Variants in PTPRD observed in about 807,000 individuals in gnomAD.
PTPRD encodes receptor-type tyrosine-protein phosphatase delta.
Under a neutral mutation model 214.5 loss-of-function variants are expected in PTPRD, and 34 were observed. The observed-to-expected ratio is 0.16, with a 90% CI of 0.12 to 0.21. The LOEUF is 0.21. Ranked by LOEUF, PTPRD falls within the 10% of genes least tolerant of loss-of-function variation. The probability of loss-of-function intolerance (pLI) is 1.00; values close to 1 mark genes in which losing one functional copy is unlikely to be tolerated. For missense variants in PTPRD, 2,545 were observed against 2,398.7 expected (o/e 1.06, Z -1.27); for synonymous variants, 1,128 against 845.7 (o/e 1.33, Z -5.79).
chr9:8,414,970 A>G (rs1030293533), intron 35 of PTPRD, among the ~76,000 whole-genome samples: 60 of 146,744 alleles, frequency 4.1e-4, no homozygotes, highest in African/African-American at 1.4e-3. Context: ...AGAGAGAGAG[A>G]GAGACAGACA....
intron 4 of PTPRD, among the ~76,000 whole-genome samples, chr9:9,998,260 G>A (rs926721122): frequency 2.6e-5 from 4 of 151,204 alleles, no homozygotes; most frequent in African/African-American, 4.9e-5. Context: ...AGGTCACTGG[G>A]TGGAGTCTCA....
chr9:9,701,260 T>C (rs1456717122), intron 7 of PTPRD, among the ~76,000 whole-genome samples: 1 of 152,138 alleles, frequency 6.6e-6, no homozygotes, highest in Non-Finnish European at 1.5e-5. Context: ...GTTTTAAACA[T>C]GATGGTAGTT....
intron 7 of PTPRD, among the ~76,000 whole-genome samples, chr9:9,662,245 A>G (rs1204376729): frequency 6.6e-6 from 1 of 151,664 alleles, no homozygotes; most frequent in Non-Finnish European, 1.5e-5. Flanking sequence ...GTATCATAAC[A>G]AAACCATTAC....
At chr9:10,031,002 C>T (rs545921071) in intron 4 of PTPRD, among the ~76,000 whole-genome samples, 1 of 152,108 alleles carries the variant, frequency 6.6e-6, no homozygotes, top group East Asian at 1.9e-4. Flanking sequence ...TCAGAAAAAA[C>T]CCAATGCAAA....
intron 2 of PTPRD, among the ~76,000 whole-genome samples, chr9:10,545,318 A>T (rs987533230): frequency 5.3e-5 from 8 of 152,162 alleles, no homozygotes; most frequent in Admixed American, 1.3e-4. Flanking sequence ...CCTACCATGA[A>T]GATGAAAATT....
intron 8 of PTPRD, among the ~76,000 whole-genome samples, chr9:9,573,650 T>C (rs1408324660): frequency 6.6e-6 from 1 of 151,882 alleles, no homozygotes; most frequent in African/African-American, 2.4e-5. Flanking sequence ...AACTTAAAAA[T>C]AAGTACTTGG....
intron 9 of PTPRD, among the ~76,000 whole-genome samples, chr9:9,341,697 C>T (rs1052444957): frequency 3.9e-5 from 6 of 152,102 alleles, no homozygotes; most frequent in Non-Finnish European, 8.8e-5. Context: ...ATGATCACTT[C>T]TTATACCCCT....
At chr9:8,633,893 A>G (rs2096340727) in intron 13 of PTPRD, among the ~76,000 whole-genome samples, 1 of 152,044 alleles carries the variant, frequency 6.6e-6, no homozygotes. Context: ...GCCACCACAG[A>G]TAGCTCTGCT....
intron 8 of PTPRD, among the ~76,000 whole-genome samples, chr9:9,539,547 A>T (rs1385137967): frequency 6.6e-6 from 1 of 151,868 alleles, no homozygotes; most frequent in Non-Finnish European, 1.5e-5. Context: ...ATTCCTTCAC[A>T]TTAACTATGT....
chr9:8,534,298 C>G (rs1030912193), intron 14 of PTPRD, among the ~76,000 whole-genome samples: 2 of 151,676 alleles, frequency 1.3e-5, no homozygotes, highest in African/African-American at 2.4e-5. Context: ...CAATAGAACA[C>G]GTATCTATAT....
At chr9:8,997,808 T>A (rs1383921109) in intron 11 of PTPRD, among the ~76,000 whole-genome samples, 1 of 151,966 alleles carries the variant, frequency 6.6e-6, no homozygotes, top group Admixed American at 6.6e-5. Flanking sequence ...AAAGGAAAAA[T>A]TCTTGAAGGA....
intron 9 of PTPRD, among the ~76,000 whole-genome samples, chr9:9,336,022 C>T (rs1465438563): frequency 6.6e-6 from 1 of 151,774 alleles, no homozygotes; most frequent in Non-Finnish European, 1.5e-5. Flanking sequence ...AAAAAATGCA[C>T]AAACTCAAAA....
At chr9:9,099,861 T>C (rs1297764942) in intron 10 of PTPRD, among the ~76,000 whole-genome samples, 1 of 151,986 alleles carries the variant, frequency 6.6e-6, no homozygotes, top group South Asian at 2.1e-4. Context: ...GTGAATTAAT[T>C]AGAGTTGGAG....
intron 8 of PTPRD, among the ~76,000 whole-genome samples, chr9:9,512,385 T>A (rs889781314): frequency 6.6e-6 from 1 of 151,838 alleles, no homozygotes; most frequent in Non-Finnish European, 1.5e-5. Flanking sequence ...ATAATCTTTT[T>A]AAAGAGATAA....
At chr9:9,253,800 A>G (rs2099976483) in intron 9 of PTPRD, among the ~76,000 whole-genome samples, 1 of 152,114 alleles carries the variant, frequency 6.6e-6, no homozygotes, top group South Asian at 2.1e-4. Context: ...AATTATCACA[A>G]ACTTGGTAAG....
At chr9:9,125,538 A>G (rs1469268254) in intron 10 of PTPRD, among the ~76,000 whole-genome samples, 2 of 152,222 alleles carry the variant, frequency 1.3e-5, no homozygotes, top group Non-Finnish European at 1.5e-5. Context: ...ATGAGCCTTC[A>G]GGGCAAGGAC....
At chr9:8,702,000 C>T (rs1348163634) in intron 12 of PTPRD, among the ~76,000 whole-genome samples, 1 of 152,100 alleles carries the variant, frequency 6.6e-6, no homozygotes, top group Non-Finnish European at 1.5e-5. Context: ...TTCATTTATA[C>T]ATTTGGCTTT....
Position 8,317,201 on chromosome 9 carries a change from T to C in PTPRD, c.*673A>G. 4.3e-6 allele frequency: 1 copy of C among 231,946 alleles called. No individual in the cohort carries two copies. Among genetic ancestry groups the C allele is most frequent in the Non-Finnish European group, 8.5e-6 (1 of 117,040 alleles). The allele number at this position is 231,946 out of a possible 1,614,324, so 14.4% of individuals were successfully genotyped here. A position where few individuals can be genotyped will look rare whatever the true frequency, so the allele number is the denominator to read the frequency against. ...GATTTGATATTTCTACAGCAAGATATTACAGATAACAGTTCTACAGCTTAA... is the reference window on the plus strand; with the variant it reads ...GATTTGATATTTCTACAGCAAGATACTACAGATAACAGTTCTACAGCTTAA... On this transcript the variant is annotated 3_prime_UTR_variant, in exon 46 of 46. Coordinates refer to ENST00000381196, the MANE Select transcript of PTPRD (RefSeq NM_002839.4).
At chr9:8,698,018 C>G (rs2097964165) in intron 12 of PTPRD, among the ~76,000 whole-genome samples, 1 of 152,154 alleles carries the variant, frequency 6.6e-6, no homozygotes, top group South Asian at 2.1e-4. Context: ...TCTGTAGTCT[C>G]TGCTATGATT....
Sources: gnomAD v4.1 joint callset for allele counts (sites outside exome capture counted in the v4.1 genomes callset) on GRCh38, gnomAD v4.1.1 for gene constraint, MANE v1.5 for transcripts, NCBI Gene and HGNC (gene_info 2026-07-23, HGNC 2026-07-21) for gene names.